Variants in XRRA1 observed in about 807,000 individuals in gnomAD.
XRRA1 encodes the protein X-ray radiation resistance associated 1, also known as X-ray radiation resistance-associated protein 1.
Under a neutral mutation model 80.2 loss-of-function variants are expected in XRRA1, and 69 were observed. The observed-to-expected ratio is 0.86, with a 90% CI of 0.71 to 1.05. XRRA1 has a LOEUF of 1.05. XRRA1 is among the 50% of genes least tolerant of loss of function. XRRA1 has a pLI of 0.00. For synonymous variants in XRRA1, 348 were observed against 389.9 expected (o/e 0.89, Z 1.27); for missense variants, 967 against 976.4 (o/e 0.99, Z 0.13).
chr11:74,845,071 A>G lies in XRRA1; in HGVS notation c.1927+2T>C, dbSNP rs1163727304. 1.2e-6 allele frequency: 2 copies of G among 1,612,966 alleles called. No individual in the cohort carries two copies. Among genetic ancestry groups the G allele is most frequent in the African/African-American group, 2.7e-5 (2 of 74,904 alleles). ...CTAGAGCAAGGATATGCCCTCACAT[A>G]CCCTTTGGCTCAATGAAGGCTGGAT... On this transcript the variant is annotated splice_donor_variant, in intron 16 of 18. Coordinates refer to ENST00000684022, the MANE Select transcript of XRRA1 (RefSeq NM_001378157.1). LOFTEE classifies it high-confidence loss of function.
intron 8 of XRRA1, among the ~76,000 whole-genome samples, chr11:74,910,274 G>A (rs901115285): frequency 1.3e-5 from 2 of 152,164 alleles, no homozygotes; most frequent in African/African-American, 2.4e-5. Context: ...AAAAGCTAGT[G>A]CTCTTTCAGG....
chr11:74,892,584 A>T, intron 10 of XRRA1, among the ~76,000 whole-genome samples: 1 of 151,690 alleles, frequency 6.6e-6, no homozygotes, highest in Admixed American at 6.6e-5. Context: ...GAGCTTCTGC[A>T]CAGCAAAATA....
At chr11:74,858,962 A>G (rs567157711) in intron 12 of XRRA1, among the ~76,000 whole-genome samples, 196 bp downstream of exon 12, 1 of 152,324 alleles carries the variant, frequency 6.6e-6, no homozygotes, top group South Asian at 2.1e-4. Flanking sequence ...TAAGTGCTAA[A>G]TAAATATCTG....
In XRRA1 at chr11:74,859,035, TC is replaced by T; in HGVS notation, c.1170+122del. 6 of 1,316,844 alleles carry T rather than the reference TC, an allele frequency of 4.6e-6. No individual in the cohort carries two copies. In the South Asian group the frequency reaches 1.0e-4, roughly 23 times the overall value. The allele number at this position is 1,316,844 out of a possible 1,614,324, so 81.6% of individuals were successfully genotyped here. On this transcript the variant is annotated intron_variant, in intron 12 of 18. Coordinates refer to ENST00000684022, the MANE Select transcript of XRRA1 (RefSeq NM_001378157.1). ...CTTCCACTTTCCCCACCCTGAGAAT[TC>T]CTGAGCCCATGTACCTGTAATGCAG...
intron 10 of XRRA1, among the ~76,000 whole-genome samples, chr11:74,890,404 G>A (rs1044961975): frequency 6.6e-6 from 1 of 152,194 alleles, no homozygotes; most frequent in Admixed American, 6.5e-5. Flanking sequence ...TCAAAGCAGT[G>A]TGTAGAGGGA....
At chr11:74,884,855 T>TCA (rs2048637219) in intron 10 of XRRA1, among the ~76,000 whole-genome samples, 1 of 151,706 alleles carries the variant, frequency 6.6e-6, no homozygotes, top group East Asian at 1.9e-4. Flanking sequence ...CAACCTAATA[T>TCA]CACAACTAGA....
At chr11:74,947,914 G>A (rs1379129458) in intron 1 of XRRA1, among the ~76,000 whole-genome samples, 1 of 151,698 alleles carries the variant, frequency 6.6e-6, no homozygotes, top group African/African-American at 2.4e-5. Context: ...TAGTAGAGAC[G>A]GGGTTTCACC....
intron 10 of XRRA1, among the ~76,000 whole-genome samples, chr11:74,887,959 G>A (rs1391307952): frequency 1.3e-5 from 2 of 152,176 alleles, no homozygotes; most frequent in Admixed American, 1.3e-4. Flanking sequence ...CGCAACTCAA[G>A]GAGGCCTGCC....
At chr11:74,903,657 C>T (rs1461794874) in intron 10 of XRRA1, among the ~76,000 whole-genome samples, 4 of 152,032 alleles carry the variant, frequency 2.6e-5, no homozygotes, top group African/African-American at 7.2e-5. Context: ...GAGCGGAGAT[C>T]GCACCATTGC....
chr11:74,897,304 GA>G (rs891559529), intron 10 of XRRA1, among the ~76,000 whole-genome samples: 1 of 151,758 alleles, frequency 6.6e-6, no homozygotes, highest in Non-Finnish European at 1.5e-5. Context: ...CAGACTATTT[GA>G]AAATACCAGA....
intron 10 of XRRA1, among the ~76,000 whole-genome samples, chr11:74,895,419 T>C (rs1167581022): frequency 6.6e-6 from 1 of 152,248 alleles, no homozygotes; most frequent in Non-Finnish European, 1.5e-5. Context: ...CTGTTGGAAC[T>C]GAAGTTTCTT....
intron 14 of XRRA1, 117 bp from the exon 15 acceptor site, chr11:74,848,579 G>T (rs183921413): frequency 1.1e-6 from 1 of 884,264 alleles, no homozygotes; most frequent in Non-Finnish European, 1.7e-6. Flanking sequence ...GGACTGAGGC[G>T]GGGGTGGAAA....
At chr11:74,862,009 G>A (rs987037616) in intron 11 of XRRA1, among the ~76,000 whole-genome samples, 2 of 152,182 alleles carry the variant, frequency 1.3e-5, no homozygotes, top group African/African-American at 2.4e-5. Flanking sequence ...AGTATAATAC[G>A]GGGCTTTTGA....
Position 74,848,232 on chromosome 11 carries a change from G to A in XRRA1, c.1611C>T (p.Asn537=). 1 of 1,613,976 alleles carries A rather than the reference G, an allele frequency of 6.2e-7. No individual in the cohort carries two copies. Among genetic ancestry groups the A allele is most frequent in the African/African-American group, 1.3e-5 (1 of 75,036 alleles). The change falls in exon 15 of 19, where the codon AAC becomes AAT. Residue 537 remains asparagine, a synonymous_variant. Coordinates refer to ENST00000684022, the MANE Select transcript of XRRA1 (RefSeq NM_001378157.1). ...GGGTCTCTTCACTATGCACAGTGGA[G>A]TTGGAGCAGATGGGAGGCAGTGGCA... ...TFVPLPPICS[N]STVHSEETLS... is the part of the protein sequence containing the mutation.
intron 10 of XRRA1, among the ~76,000 whole-genome samples, chr11:74,886,011 C>T (rs190383555): frequency 6.6e-6 from 1 of 152,304 alleles, no homozygotes; most frequent in East Asian, 1.9e-4. Flanking sequence ...TAAAATTCAA[C>T]ATCATTCATG....
chr11:74,843,975 G>A lies in XRRA1; in HGVS notation c.2044-16C>T, dbSNP rs745496244. ...TTCTCTGGGCCTGGCAGAAGGTCAT[G>A]GAGGAGGGTGTTATCCCAGGTTTAT... On this transcript the variant is annotated splice_polypyrimidine_tract_variant and intron_variant, in intron 17 of 18. Coordinates refer to ENST00000684022, the MANE Select transcript of XRRA1 (RefSeq NM_001378157.1). 1.2e-6 allele frequency: 2 copies of A among 1,606,672 alleles called. No homozygotes were observed. Among genetic ancestry groups the A allele is most frequent in the Non-Finnish European group, 1.7e-6 (2 of 1,174,198 alleles).
At chr11:74,873,346 A>G (rs1467338240) in intron 10 of XRRA1, among the ~76,000 whole-genome samples, 1 of 152,214 alleles carries the variant, frequency 6.6e-6, no homozygotes, top group Non-Finnish European at 1.5e-5. Context: ...TAATAAGGCC[A>G]TAGTTCCAAC....
chr11:74,905,207 T>C (rs1373701862), intron 10 of XRRA1, among the ~76,000 whole-genome samples: 1 of 152,024 alleles, frequency 6.6e-6, no homozygotes, highest in African/African-American at 2.4e-5. Flanking sequence ...CCAGCTAATT[T>C]TTTAATTTTT....
In XRRA1 at chr11:74,843,173, T is replaced by G; in HGVS notation, c.*27A>C. 6.5e-7 allele frequency: 1 copy of G among 1,537,002 alleles called. No homozygotes were observed. The highest frequency in any genetic ancestry group is 8.8e-7 in the Non-Finnish European group (1 of 1,138,140). ...GGGGAGAGCTGGGGCACAGGCCGGG[T>G]GGTGCACACAGCCCCCATGCACAGC... is the stretch of plus-strand genomic sequence containing the variant. On this transcript the variant is annotated 3_prime_UTR_variant, in exon 19 of 19. Transcript: ENST00000684022.
Sources: gnomAD v4.1 joint callset for allele counts (sites outside exome capture counted in the v4.1 genomes callset) on GRCh38, gnomAD v4.1.1 for gene constraint, MANE v1.5 for transcripts, NCBI Gene and HGNC (gene_info 2026-07-23, HGNC 2026-07-21) for gene names.